The following KLRG2 variants were observed in gnomAD, a reference collection of about 807,000 sequenced individuals.
KLRG2 encodes killer cell lectin like receptor G2, also known as killer cell lectin-like receptor subfamily G member 2.
Under a neutral mutation model 35.4 loss-of-function variants are expected in KLRG2, and 39 were observed. That is an observed-to-expected ratio of 1.10 (90% CI 0.85 to 1.44). KLRG2 has a LOEUF of 1.44. Among genes scored for constraint, KLRG2 ranks in the 40% most tolerant of loss-of-function variants. KLRG2 has a pLI of 0.00. For missense variants in KLRG2, 632 were observed against 570.9 expected (o/e 1.11, Z -1.09); for synonymous variants, 283 against 265.8 (o/e 1.06, Z -0.63).
chr7:139,461,783 G>T (rs575632392), intron 3 of KLRG2, among the ~76,000 whole-genome samples: 2 of 151,896 alleles, frequency 1.3e-5, no homozygotes, highest in Non-Finnish European at 2.9e-5. Flanking sequence ...GACTCAGCCC[G>T]CCTGCACCCA....
At chr7:139,465,812 A>C (rs1325042406) in intron 3 of KLRG2, among the ~76,000 whole-genome samples, 1 of 152,154 alleles carries the variant, frequency 6.6e-6, no homozygotes, top group African/African-American at 2.4e-5. Context: ...AAGGTAGCTA[A>C]AAAAGCACCT....
intron 3 of KLRG2, among the ~76,000 whole-genome samples, chr7:139,477,738 T>G (rs1796875248): frequency 6.6e-6 from 1 of 151,530 alleles, no homozygotes; most frequent in Non-Finnish European, 1.5e-5. Context: ...GATGGTAAAT[T>G]TTATGTTATG....
At chr7:139,463,725 T>G (rs1298247138) in intron 3 of KLRG2, among the ~76,000 whole-genome samples, 1 of 152,248 alleles carries the variant, frequency 6.6e-6, no homozygotes, top group African/African-American at 2.4e-5. Flanking sequence ...GCTCTCTGAC[T>G]GACTCCTTCC....
chr7:139,479,561 T>G, intron 3 of KLRG2, 66 bp downstream of exon 3: 1 of 1,483,040 alleles, frequency 6.7e-7, no homozygotes, highest in Non-Finnish European at 9.2e-7. Context: ...TAAGCTTCTT[T>G]CCAGTGCTAG....
Position 139,483,208 on chromosome 7 carries a change from C to A in KLRG2, c.435G>T (p.Arg145Ser). 6.5e-7 allele frequency: 1 copy of A among 1,526,814 alleles called. No individual in the cohort carries two copies. Among genetic ancestry groups the A allele is most frequent in the Non-Finnish European group, 8.7e-7 (1 of 1,146,724 alleles). The allele number at this position is 1,526,814 out of a possible 1,614,324, so 94.6% of individuals were successfully genotyped here. A position where few individuals can be genotyped will look rare whatever the true frequency, so the allele number is the denominator to read the frequency against. Residue 145 changes from arginine (R) to serine (S), a missense_variant, in exon 1 of 5, where the codon AGG becomes AGT. Coordinates refer to ENST00000340940, the MANE Select transcript of KLRG2 (RefSeq NM_198508.4). Reference sequence around the variant, plus strand: ...GCACCTTGAGGAAGCGCGTGGAGGGCCTGGGCGATGGCGTGCTGCTGCCAC... The same window carrying A: ...GCACCTTGAGGAAGCGCGTGGAGGGACTGGGCGATGGCGTGCTGCTGCCAC... ...AAGGSSTPSP[R>S]PSTRFLKVPV... is the part of the protein sequence containing the mutation.
intron 3 of KLRG2, among the ~76,000 whole-genome samples, chr7:139,454,499 C>G (rs990407603): frequency 1.3e-5 from 2 of 151,990 alleles, no homozygotes; most frequent in African/African-American, 4.8e-5. Flanking sequence ...ATTGAGTGGG[C>G]AAAGAAACAA....
chr7:139,478,037 C>T (rs1296388617), intron 3 of KLRG2, among the ~76,000 whole-genome samples: 2 of 148,844 alleles, frequency 1.3e-5, no homozygotes, highest in Admixed American at 6.7e-5. Context: ...GGATTACAGG[C>T]GTGAGCCACT....
intron 3 of KLRG2, among the ~76,000 whole-genome samples, chr7:139,469,811 G>C (rs539284884): frequency 1.6e-4 from 24 of 152,342 alleles, no homozygotes; most frequent in Non-Finnish European, 2.2e-4. Context: ...CTAGGAGGAA[G>C]ATCTGAGGGC....
the KLRG2 span, among the ~76,000 whole-genome samples, chr7:139,438,493 A>G: frequency 6.6e-6 from 1 of 152,170 alleles, no homozygotes; most frequent in African/African-American, 2.4e-5. Context: ...TTGGGATTAG[A>G]GGCGTGAGCC....
intron 3 of KLRG2, among the ~76,000 whole-genome samples, chr7:139,456,643 C>T (rs1796481224): frequency 6.6e-6 from 1 of 152,186 alleles, no homozygotes; most frequent in African/African-American, 2.4e-5. Flanking sequence ...TAAGCCACTG[C>T]ACCCAGCCTC....
At chr7:139,462,863 G>A (rs960723901) in intron 3 of KLRG2, among the ~76,000 whole-genome samples, 1 of 151,918 alleles carries the variant, frequency 6.6e-6, no homozygotes, top group Non-Finnish European at 1.5e-5. Context: ...CCCAAGCATT[G>A]CTGAGTCTTT....
the KLRG2 span, among the ~76,000 whole-genome samples, chr7:139,441,388 G>A: frequency 6.6e-6 from 1 of 152,006 alleles, no homozygotes; most frequent in African/African-American, 2.4e-5. Flanking sequence ...ACCAAACACC[G>A]CATATTCTCA....
At chr7:139,470,978 G>T (rs1208190477) in intron 3 of KLRG2, among the ~76,000 whole-genome samples, 1 of 151,498 alleles carries the variant, frequency 6.6e-6, no homozygotes, top group Non-Finnish European at 1.5e-5. Context: ...GAGTAGCTGG[G>T]ATTACAGGTC....
intron 3 of KLRG2, among the ~76,000 whole-genome samples, chr7:139,470,356 C>A (rs2116461381): frequency 6.6e-6 from 1 of 152,298 alleles, no homozygotes; most frequent in South Asian, 2.1e-4. Flanking sequence ...CTGCGCCCGG[C>A]TATGGATAAG....
chr7:139,458,625 T>G (rs192267706), intron 3 of KLRG2, among the ~76,000 whole-genome samples: 1 of 152,306 alleles, frequency 6.6e-6, no homozygotes, highest in Admixed American at 6.5e-5. Context: ...TGTTTTAATA[T>G]TAAAATGTTT....
chr7:139,446,219 C>T, the KLRG2 span, among the ~76,000 whole-genome samples: 2 of 152,002 alleles, frequency 1.3e-5, no homozygotes, highest in South Asian at 2.1e-4. Context: ...AAATTTGTAC[C>T]TTTCCACTGG....
rs534059265 is a variant in KLRG2 at position 139,452,863 on chromosome 7, A to T, written c.*724T>A. The T allele has an allele frequency of 6.6e-6, 1 of 152,612 alleles. No homozygotes were observed. Among genetic ancestry groups the T allele is most frequent in the South Asian group, 2.1e-4 (1 of 4,832 alleles). 9.5% of individuals were successfully genotyped at this position (152,612 alleles called of 1,614,324 possible). On this transcript the variant is annotated 3_prime_UTR_variant, in exon 5 of 5. Transcript: ENST00000340940. Reference sequence around the variant, plus strand: ...CACTCAGACTCCTCAGCTTCCACCTACCAAGCTGGGGTGCTCTCCTGGCTT... The same window carrying T: ...CACTCAGACTCCTCAGCTTCCACCTTCCAAGCTGGGGTGCTCTCCTGGCTT...
chr7:139,481,780 C>T (rs1796963836), intron 1 of KLRG2, among the ~76,000 whole-genome samples: 1 of 151,998 alleles, frequency 6.6e-6, no homozygotes, highest in Non-Finnish European at 1.5e-5. Context: ...AAAAACTAGC[C>T]AGGCATGGTG....
At chr7:139,464,872 C>A (rs1455473484) in intron 3 of KLRG2, among the ~76,000 whole-genome samples, 2 of 152,260 alleles carry the variant, frequency 1.3e-5, no homozygotes, top group East Asian at 3.8e-4. Flanking sequence ...AATCTATTTT[C>A]TTCCTCACAC....
Sources: allele counts gnomAD v4.1 joint callset (sites outside exome capture counted in the v4.1 genomes callset), GRCh38; gene constraint gnomAD v4.1.1; transcripts MANE v1.5; gene names NCBI Gene and HGNC (gene_info 2026-07-23, HGNC 2026-07-21).